The following DSCAM variants were observed in gnomAD, a reference collection of about 807,000 sequenced individuals.
The protein encoded by DSCAM is DS cell adhesion molecule, also known as cell adhesion molecule DSCAM.
In DSCAM, 47 loss-of-function variants were observed where a neutral mutation model predicts 217.7. That is an observed-to-expected ratio of 0.22 (90% CI 0.17 to 0.28). DSCAM has a LOEUF of 0.28. Among genes scored for constraint, DSCAM ranks in the 10% least tolerant of loss-of-function variants. DSCAM has a pLI of 1.00. For synonymous variants in DSCAM, 1,056 were observed against 1,015.3 expected (o/e 1.04, Z -0.76); for missense variants, 2,080 against 2,618.3 (o/e 0.79, Z 4.49).
intron 11 of DSCAM, among the ~76,000 whole-genome samples, chr21:40,275,170 TA>T (rs67678625): frequency 1.4e-3 from 164 of 120,806 alleles, no homozygotes; most frequent in Admixed American, 1.4e-3. Context: ...TATAAAAAAT[TA>T]AAAAAAAAAA....
Position 40,138,186 on chromosome 21 carries a change from T to C in DSCAM, c.3407-4177A>G, listed in dbSNP as rs147109267. On this transcript the variant is annotated intron_variant, in intron 18 of 32. Coordinates refer to ENST00000400454, the MANE Select transcript of DSCAM (RefSeq NM_001389.5). ...CGTATTTTGGAAAGTATTCGGGCTA[T>C]TGCTAATTACAGTGGTAGTAACAAT... is the stretch of plus-strand genomic sequence containing the variant. 4.0e-4 allele frequency among the ~76,000 whole-genome samples: 61 copies of C among 152,086 alleles called. No individual in the cohort carries two copies. The East Asian group carries it at 0.012, about 30-fold the overall frequency.
intron 1 of DSCAM, among the ~76,000 whole-genome samples, chr21:40,798,966 C>G (rs542818955): frequency 6.6e-6 from 1 of 151,972 alleles, no homozygotes; most frequent in Non-Finnish European, 1.5e-5. Context: ...AAACTATAGC[C>G]TAAGCCATTA....
chr21:40,357,471 G>A (rs971344952), intron 4 of DSCAM, among the ~76,000 whole-genome samples: 18 of 152,122 alleles, frequency 1.2e-4, no homozygotes, highest in African/African-American at 3.1e-4. Context: ...TGTGCCTAAA[G>A]CCAGCTCCAG....
At chr21:40,413,935 T>G (rs1475498100) in intron 3 of DSCAM, among the ~76,000 whole-genome samples, 1 of 152,140 alleles carries the variant, frequency 6.6e-6, no homozygotes, top group African/African-American at 2.4e-5. Context: ...ATGGCCAAAA[T>G]GGACCTCAAT....
chr21:40,285,425 C>G (rs1412481407), intron 10 of DSCAM, among the ~76,000 whole-genome samples: 1 of 152,130 alleles, frequency 6.6e-6, no homozygotes, highest in Non-Finnish European at 1.5e-5. Flanking sequence ...CCAGGGTTGA[C>G]TGTCCTGGTG....
At chr21:40,772,925 C>T (rs2123395686) in intron 1 of DSCAM, among the ~76,000 whole-genome samples, 1 of 152,370 alleles carries the variant, frequency 6.6e-6, no homozygotes, top group African/African-American at 2.4e-5. Flanking sequence ...AAATAAAAAG[C>T]AGCTCCTGCT....
At chr21:40,531,212 C>A (rs1233831345) in intron 3 of DSCAM, among the ~76,000 whole-genome samples, 1 of 152,188 alleles carries the variant, frequency 6.6e-6, no homozygotes, top group Non-Finnish European at 1.5e-5. Context: ...CTGGCACCTG[C>A]AGCTTGCCTT....
chr21:40,263,099 T>C (rs2073475939), intron 11 of DSCAM, among the ~76,000 whole-genome samples: 2 of 152,198 alleles, frequency 1.3e-5, no homozygotes, highest in Admixed American at 1.3e-4. Context: ...TGGTAAAAAT[T>C]AATAAAATAT....
chr21:40,357,455 C>T (rs1020099318), intron 4 of DSCAM, among the ~76,000 whole-genome samples: 2 of 152,146 alleles, frequency 1.3e-5, no homozygotes, highest in African/African-American at 2.4e-5. Flanking sequence ...CTAGAAGACA[C>T]AAAGTTGTGC....
At chr21:40,431,333 T>C (rs1271433016) in intron 3 of DSCAM, among the ~76,000 whole-genome samples, 1 of 151,852 alleles carries the variant, frequency 6.6e-6, no homozygotes, top group African/African-American at 2.4e-5. Flanking sequence ...ATGAAGACAA[T>C]GAGGACAAAG....
intron 3 of DSCAM, among the ~76,000 whole-genome samples, chr21:40,636,579 G>C (rs1313347334): frequency 1.3e-5 from 2 of 151,732 alleles, no homozygotes; most frequent in East Asian, 1.9e-4. Context: ...CTTTTTCCAG[G>C]GTAGTCCCTC....
intron 1 of DSCAM, among the ~76,000 whole-genome samples, chr21:40,734,515 A>G (rs1185562099): frequency 6.6e-6 from 1 of 152,264 alleles, no homozygotes; most frequent in East Asian, 1.9e-4. Context: ...CCATGCATAC[A>G]CAAAGGACAG....
intron 3 of DSCAM, among the ~76,000 whole-genome samples, chr21:40,469,035 T>A (rs898632933): frequency 1.3e-5 from 2 of 151,964 alleles, no homozygotes; most frequent in African/African-American, 4.8e-5. Flanking sequence ...CACACCTTCA[T>A]AAAGTTACGG....
At chr21:40,037,379 A>G (rs1047501497) in intron 32 of DSCAM, among the ~76,000 whole-genome samples, 2 of 148,338 alleles carry the variant, frequency 1.3e-5, no homozygotes, top group African/African-American at 5.2e-5. Context: ...ATAACAGACA[A>G]ACAGAGAGCC....
At chr21:40,799,245 G>A (rs1355114107) in intron 1 of DSCAM, among the ~76,000 whole-genome samples, 1 of 152,128 alleles carries the variant, frequency 6.6e-6, no homozygotes, top group Non-Finnish European at 1.5e-5. Context: ...CTTTGGGGTA[G>A]GTGATGCTTC....
chr21:40,460,036 CA>C (rs1262149091), intron 3 of DSCAM, among the ~76,000 whole-genome samples: 1 of 152,058 alleles, frequency 6.6e-6, no homozygotes, highest in Non-Finnish European at 1.5e-5. Flanking sequence ...AGCAGAAAAC[CA>C]AACACCGCAT....
chr21:40,244,582 A>T (rs1386053067), intron 11 of DSCAM, among the ~76,000 whole-genome samples: 1 of 152,084 alleles, frequency 6.6e-6, no homozygotes, highest in African/African-American at 2.4e-5. Context: ...GAGGTCTGAG[A>T]TGAATCCTGA....
At chr21:40,726,655 G>A (rs899906172) in intron 1 of DSCAM, among the ~76,000 whole-genome samples, 11 of 152,122 alleles carry the variant, frequency 7.2e-5, no homozygotes, top group Admixed American at 2.6e-4. Context: ...AACCCTATGC[G>A]GAACAGTGCC....
At position 40,796,753 on chromosome 21, in the gene DSCAM, G is replaced by A. The variant is rs2091695284; in HGVS notation, c.43+49866C>T. The stretch of plus-strand genomic sequence containing the variant: ...TTTAATAAAATTCCCAGGAATGAAT[G>A]TCACAATAAAATATGATAAGTGCTG... On this transcript the variant is annotated intron_variant, in intron 1 of 32. Transcript: ENST00000400454. Among the ~76,000 whole-genome samples, 3 of 152,112 alleles carry A rather than the reference G, an allele frequency of 2.0e-5. No individual in the cohort carries two copies. In the South Asian group the frequency reaches 6.2e-4, roughly 32 times the overall value.
Sources: gnomAD v4.1 joint callset for allele counts (sites outside exome capture counted in the v4.1 genomes callset) on GRCh38, gnomAD v4.1.1 for gene constraint, MANE v1.5 for transcripts, NCBI Gene and HGNC (gene_info 2026-07-23, HGNC 2026-07-21) for gene names.